The following XKR9 variants were observed in gnomAD, a reference collection of about 807,000 sequenced individuals.
XKR9 encodes XK related 9.
In XKR9, 32 loss-of-function variants were observed where a neutral mutation model predicts 32.0. The observed-to-expected ratio is 1.00, with a 90% confidence interval of 0.76 to 1.34. The LOEUF is 1.34. XKR9 is among the 40% of genes most tolerant of loss of function. The pLI, the probability that XKR9 is intolerant of heterozygous loss-of-function variation, is 0.00. For missense variants in XKR9, 546 were observed against 429.7 expected (o/e 1.27, Z -2.39); for synonymous variants, 168 against 143.4 (o/e 1.17, Z -1.22).
the XKR9 span, among the ~76,000 whole-genome samples, chr8:70,992,969 T>C: frequency 6.6e-6 from 1 of 152,252 alleles, no homozygotes; most frequent in South Asian, 2.1e-4. Context: ...TAACTCAATC[T>C]CTTCCCTTTG....
the XKR9 span, among the ~76,000 whole-genome samples, chr8:70,975,714 T>C: frequency 6.6e-6 from 1 of 152,238 alleles, no homozygotes; most frequent in African/African-American, 2.4e-5. Flanking sequence ...AGGATTGTCT[T>C]GGCAATGCAG....
the XKR9 span, among the ~76,000 whole-genome samples, chr8:70,859,410 T>G: frequency 6.6e-6 from 1 of 151,996 alleles, no homozygotes; most frequent in African/African-American, 2.4e-5. Context: ...ACACTATTGG[T>G]GGGAATGTAA....
chr8:70,930,980 AC>A, the XKR9 span, among the ~76,000 whole-genome samples: 26 of 152,108 alleles, frequency 1.7e-4, no homozygotes, highest in African/African-American at 6.3e-4. Context: ...TATTCACCTG[AC>A]CCAAGCCAGT....
chr8:70,831,846 A>G, the XKR9 span, among the ~76,000 whole-genome samples: 8 of 152,272 alleles, frequency 5.3e-5, no homozygotes, highest in Non-Finnish European at 1.0e-4. Context: ...ACTAGTAAAT[A>G]TTGATGCCAT....
chr8:70,978,863 C>T, the XKR9 span, among the ~76,000 whole-genome samples: 11 of 152,182 alleles, frequency 7.2e-5, no homozygotes, highest in African/African-American at 2.4e-4. Context: ...GCGTCACTTT[C>T]CAGTACACCA....
chr8:70,691,491 C>T (rs1362704674), intron 3 of XKR9, among the ~76,000 whole-genome samples: 1 of 152,100 alleles, frequency 6.6e-6, no homozygotes, highest in Admixed American at 6.6e-5. Context: ...TTGCCTGTTC[C>T]TAGATCCAGG....
At chr8:70,810,845 A>T in the XKR9 span, among the ~76,000 whole-genome samples, 2 of 152,208 alleles carry the variant, frequency 1.3e-5, no homozygotes, top group African/African-American at 4.8e-5. Flanking sequence ...ATAATGGGAG[A>T]CTTTAACACC....
chr8:70,797,117 C>A, the XKR9 span, among the ~76,000 whole-genome samples: 2 of 152,098 alleles, frequency 1.3e-5, no homozygotes, highest in Non-Finnish European at 2.9e-5. Flanking sequence ...CACATGAATC[C>A]CTTTTCAACT....
the XKR9 span, among the ~76,000 whole-genome samples, chr8:70,881,018 G>C: frequency 6.6e-6 from 1 of 152,092 alleles, no homozygotes; most frequent in Non-Finnish European, 1.5e-5. Flanking sequence ...CAAGCAATGG[G>C]GAAAAGATTC....
the XKR9 span, among the ~76,000 whole-genome samples, chr8:70,908,741 T>A: frequency 6.6e-6 from 1 of 152,252 alleles, no homozygotes; most frequent in Non-Finnish European, 1.5e-5. Context: ...AATTTTTGTG[T>A]GTCATAAAAT....
At chr8:71,047,637 G>A in the XKR9 span, among the ~76,000 whole-genome samples, 15 of 152,132 alleles carry the variant, frequency 9.9e-5, no homozygotes, top group Admixed American at 5.9e-4. Flanking sequence ...CTGAATTTGA[G>A]GCACTTATCT....
At chr8:70,906,069 G>A in the XKR9 span, among the ~76,000 whole-genome samples, 3 of 152,044 alleles carry the variant, frequency 2.0e-5, no homozygotes, top group Non-Finnish European at 2.9e-5. Flanking sequence ...TAGGCTACTC[G>A]GGGGTCAGGG....
chr8:70,700,664 C>T (rs977484910), intron 3 of XKR9, among the ~76,000 whole-genome samples: 11 of 152,182 alleles, frequency 7.2e-5, no homozygotes, highest in African/African-American at 2.4e-4. Flanking sequence ...GCAGTCTGCC[C>T]GTTCTGAGAT....
At chr8:70,843,235 A>G in the XKR9 span, among the ~76,000 whole-genome samples, 3 of 152,334 alleles carry the variant, frequency 2.0e-5, no homozygotes, top group African/African-American at 7.2e-5. Context: ...GCCTTCCACT[A>G]TGAATATCTC....
At chr8:70,864,231 T>A in the XKR9 span, among the ~76,000 whole-genome samples, 1 of 152,142 alleles carries the variant, frequency 6.6e-6, no homozygotes, top group African/African-American at 2.4e-5. Flanking sequence ...CAACTTAGGA[T>A]CAAATAGCTT....
At chr8:70,879,784 C>T in the XKR9 span, among the ~76,000 whole-genome samples, 1 of 152,036 alleles carries the variant, frequency 6.6e-6, no homozygotes, top group Admixed American at 6.6e-5. Context: ...ACGAGGCCAA[C>T]GTCATCCTGA....
chr8:70,833,144 C>T, the XKR9 span, among the ~76,000 whole-genome samples: 1 of 152,128 alleles, frequency 6.6e-6, no homozygotes, highest in East Asian at 1.9e-4. Flanking sequence ...AGAGGGCTAG[C>T]TAATCAATAG....
At chr8:71,061,505 T>C in the XKR9 span, among the ~76,000 whole-genome samples, 1 of 152,164 alleles carries the variant, frequency 6.6e-6, no homozygotes, top group African/African-American at 2.4e-5. Context: ...ATATCTCCCT[T>C]TAGTTTCTTG....
the XKR9 span, among the ~76,000 whole-genome samples, chr8:71,051,526 GGGGTGTGTGTGTGT>G: frequency 1.9e-5 from 2 of 105,234 alleles, no homozygotes; most frequent in Non-Finnish European, 3.6e-5. Context: ...TGGTGGTGGT[GGGGTGTGTGTGTGT>G]GTGTGTGTGT....
Sources: gnomAD v4.1 joint callset for allele counts (sites outside exome capture counted in the v4.1 genomes callset) on GRCh38, gnomAD v4.1.1 for gene constraint, MANE v1.5 for transcripts, NCBI Gene and HGNC (gene_info 2026-07-23, HGNC 2026-07-21) for gene names.